The following CLVS1 variants were observed in gnomAD, a reference collection of about 807,000 sequenced individuals.
The protein encoded by CLVS1 is clavesin 1.
CLVS1 carries 10 observed loss-of-function variants against 33.1 expected under a neutral mutation model. That is an observed-to-expected ratio of 0.30 (90% CI 0.19 to 0.51). The LOEUF is 0.51. Among genes scored for constraint, CLVS1 ranks in the 20% least tolerant of loss-of-function variants. CLVS1 has a pLI of 0.97. For synonymous variants in CLVS1, 163 were observed against 166.1 expected (o/e 0.98, Z 0.14); for missense variants, 343 against 433.4 (o/e 0.79, Z 1.85).
At position 61,123,094 on chromosome 8, in the gene CLVS1, A is replaced by C. The variant is rs528600342; in HGVS notation, c.-242-8676A>C. On this transcript the variant is annotated intron_variant, in intron 1 of 2. Coordinates refer to the CLVS1 transcript ENST00000522621. ...AGACCAGCCTGACCAGCATGGAGAA[A>C]ACCCATCTCTACTAAAGATACAAAA... 9.8e-5 allele frequency among the ~76,000 whole-genome samples: 14 copies of C among 142,736 alleles called. 1 individual carries two copies. Among genetic ancestry groups the C allele is most frequent in the Non-Finnish European group, 2.2e-4 (14 of 64,910 alleles). The allele number at this position is 142,736 out of a possible 152,430, so 93.6% of individuals were successfully genotyped here.
In CLVS1 at chr8:61,404,765, C is replaced by G. The variant is rs111923829; in HGVS notation, c.630+27986C>G. Among the ~76,000 whole-genome samples the G allele has an allele frequency of 8.9e-3, 1,357 of 152,306 alleles. 14 individuals carry two copies. The highest frequency in any genetic ancestry group is 0.031 in the African/African-American group (1,273 of 41,552). ...GAGGATGGAAGAGTGAAATCTCTTA[C>G]TGCACCTTAGGTATAAGAACTTCAG... is the stretch of plus-strand genomic sequence containing the variant. On this transcript the variant is annotated intron_variant, in intron 3 of 5. Coordinates refer to ENST00000325897, the MANE Select transcript of CLVS1 (RefSeq NM_173519.3).
At chr8:61,397,804 T>C (rs536898825) in intron 3 of CLVS1, among the ~76,000 whole-genome samples, 12 of 152,332 alleles carry the variant, frequency 7.9e-5, no homozygotes, top group African/African-American at 2.9e-4. Flanking sequence ...TGGAAATCAA[T>C]TGACCATAAA....
intron 5 of CLVS1, among the ~76,000 whole-genome samples, chr8:61,493,840 A>G (rs1254764270): frequency 6.6e-6 from 1 of 152,178 alleles, no homozygotes; most frequent in Non-Finnish European, 1.5e-5. Context: ...TGGAAAACAG[A>G]TGGGTAGAAC....
chr8:61,485,197 T>C (rs894563498), intron 5 of CLVS1, among the ~76,000 whole-genome samples: 1 of 152,206 alleles, frequency 6.6e-6, no homozygotes, highest in African/African-American at 2.4e-5. Flanking sequence ...CCTACTCATC[T>C]GACAAAAGGC....
At chr8:61,346,207 C>A (rs1451470447) in intron 2 of CLVS1, among the ~76,000 whole-genome samples, 1 of 152,084 alleles carries the variant, frequency 6.6e-6, no homozygotes, top group Non-Finnish European at 1.5e-5. Context: ...AGGGTGCCTG[C>A]GACTCACTCT....
At chr8:61,357,490 T>C (rs866003423) in intron 2 of CLVS1, among the ~76,000 whole-genome samples, 1 of 118,822 alleles carries the variant, frequency 8.4e-6, no homozygotes, top group Non-Finnish European at 1.7e-5. Context: ...TTCCTTTTTC[T>C]TTTCTTTTTT....
At position 61,108,101 on chromosome 8, in the gene CLVS1, C is replaced by G. The variant is rs140108227; in HGVS notation, c.-242-23669C>G. 2.4e-3 allele frequency among the ~76,000 whole-genome samples: 362 copies of G among 151,734 alleles called. 4 individuals are homozygous for G. The highest frequency in any genetic ancestry group is 1.9e-3 in the Non-Finnish European group (130 of 67,966). On this transcript the variant is annotated intron_variant, in intron 1 of 2. Transcript: ENST00000522621. ...TGGCCAACATGGTGAAACCCCATCT[C>G]TACTAAAAATACAAAAAAATTTAGC...
At chr8:61,294,670 G>C (rs191233624) in intron 1 of CLVS1, among the ~76,000 whole-genome samples, 4 of 152,022 alleles carry the variant, frequency 2.6e-5, no homozygotes, top group Non-Finnish European at 5.9e-5. Flanking sequence ...GAAATACTAC[G>C]TACACACATA....
the CLVS1 span, among the ~76,000 whole-genome samples, chr8:60,986,247 A>T: frequency 6.6e-6 from 1 of 152,258 alleles, no homozygotes; most frequent in Non-Finnish European, 1.5e-5. Context: ...AAAGATTCTA[A>T]ATTTCAGCCA....
the CLVS1 span, among the ~76,000 whole-genome samples, chr8:61,050,644 CAGGG>C: frequency 0.55 from 83,091 of 151,570 alleles, 23,991 homozygotes; most frequent in African/African-American, 0.72. Context: ...AGAGGGTCCT[CAGGG>C]AGGGACATTT....
At chr8:61,495,349 G>T (rs944161551) in intron 5 of CLVS1, among the ~76,000 whole-genome samples, 19 of 152,144 alleles carry the variant, frequency 1.2e-4, no homozygotes, top group Non-Finnish European at 2.4e-4. Flanking sequence ...AAAGGTTTTG[G>T]CACATTGCTC....
At chr8:61,421,107 G>T (rs1168571147) in intron 3 of CLVS1, among the ~76,000 whole-genome samples, 1 of 152,170 alleles carries the variant, frequency 6.6e-6, no homozygotes, top group East Asian at 1.9e-4. Context: ...CATTAGAGGT[G>T]GTTGGTGCTT....
intron 1 of CLVS1, among the ~76,000 whole-genome samples, chr8:61,104,094 A>G (rs893821320): frequency 3.9e-5 from 6 of 152,180 alleles, no homozygotes; most frequent in Non-Finnish European, 8.8e-5. Context: ...GGACATTTGG[A>G]TTTCAGCAGG....
the CLVS1 span, among the ~76,000 whole-genome samples, chr8:60,971,050 T>G: frequency 1.3e-5 from 2 of 150,996 alleles, no homozygotes; most frequent in Non-Finnish European, 2.9e-5. Flanking sequence ...ACTTTTTTTT[T>G]TTGTTCTTTG....
chr8:61,105,028 C>T (rs1345061379), intron 1 of CLVS1, among the ~76,000 whole-genome samples: 1 of 152,076 alleles, frequency 6.6e-6, no homozygotes, highest in African/African-American at 2.4e-5. Flanking sequence ...CAGGGTTTCA[C>T]TATGTTGGCC....
intron 1 of CLVS1, chr8:61,090,881 A>G (rs745378586): frequency 1.9e-6 from 1 of 518,868 alleles, no homozygotes; most frequent in Non-Finnish European, 3.8e-6. Flanking sequence ...GAGATTTTGG[A>G]CTTGAAGCTG....
At chr8:61,073,227 G>A (rs946101128) in intron 1 of CLVS1, among the ~76,000 whole-genome samples, 3 of 152,114 alleles carry the variant, frequency 2.0e-5, no homozygotes, top group African/African-American at 7.2e-5. Context: ...AATCTACTTG[G>A]ATACTAGAAC....
At chr8:61,054,595 A>G (rs1019636079), upstream of CLVS1, among the ~76,000 whole-genome samples, 1 of 151,938 alleles carries the variant, frequency 6.6e-6, no homozygotes. Flanking sequence ...CGTCTTAAAG[A>G]TACTTGGTGC....
intron 5 of CLVS1, among the ~76,000 whole-genome samples, chr8:61,475,056 T>C (rs1392553230): frequency 6.6e-6 from 1 of 152,176 alleles, no homozygotes. Context: ...GTTTGGTTTT[T>C]TGTCCTTGTG....
Sources: gnomAD v4.1 joint callset for allele counts (sites outside exome capture counted in the v4.1 genomes callset) on GRCh38, gnomAD v4.1.1 for gene constraint, MANE v1.5 for transcripts, NCBI Gene and HGNC (gene_info 2026-07-23, HGNC 2026-07-21) for gene names.